The following SLC25A13 variants were observed in gnomAD, a reference collection of about 807,000 sequenced individuals.
SLC25A13 encodes the protein solute carrier family 25 member 13.
Under a neutral mutation model 85.5 loss-of-function variants are expected in SLC25A13, and 70 were observed. That is an observed-to-expected ratio of 0.82 (90% CI 0.68 to 1.00). The LOEUF is 1.00. Ranked by LOEUF, SLC25A13 falls within the 50% of genes least tolerant of loss-of-function variation. The probability of loss-of-function intolerance (pLI) is 0.00; values close to 1 mark genes in which losing one functional copy is unlikely to be tolerated. For synonymous variants in SLC25A13, 259 were observed against 288.7 expected (o/e 0.90, Z 1.04); for missense variants, 765 against 819.8 (o/e 0.93, Z 0.82).
rs80338716 is a variant in SLC25A13, at chr7:96,193,102, G to A, written c.550C>T (p.Arg184Ter). 4.5e-5 allele frequency: 73 copies of A among 1,613,948 alleles called. No individual in the cohort carries two copies. The highest frequency in any genetic ancestry group is 6.6e-5 in the South Asian group (6 of 91,082). The change falls in exon 6 of 18, where the codon CGA (arginine) becomes TGA (stop). Residue 184 changes from arginine (R) to a stop codon, truncating the protein, a stop_gained. Transcript: ENST00000265631. LOFTEE classifies it high-confidence loss of function. The stretch of plus-strand genomic sequence containing the variant: ...GGGCGGATGGTGACCATGATGTCTC[G>A]GAAGTCGATGGCTGTGACTCTCCCA... ...RTGRVTAIDF[R>*]DIMVTIRPHV...
intron 3 of SLC25A13, among the ~76,000 whole-genome samples, chr7:96,243,194 G>T (rs1264468513): frequency 1.3e-5 from 2 of 152,152 alleles, no homozygotes; most frequent in East Asian, 3.9e-4. Flanking sequence ...TCAAACTCCT[G>T]ACCTCAGGTG....
intron 4 of SLC25A13, among the ~76,000 whole-genome samples, chr7:96,225,012 A>G (rs538035239): frequency 2.0e-5 from 3 of 152,364 alleles, no homozygotes; most frequent in South Asian, 4.1e-4. Flanking sequence ...TTATAATAGT[A>G]TAGACCTTCT....
At chr7:96,128,721 G>A (rs531052168) in intron 15 of SLC25A13, among the ~76,000 whole-genome samples, 15 of 149,566 alleles carry the variant, frequency 1.0e-4, no homozygotes, top group African/African-American at 2.7e-4. Flanking sequence ...ACAAACCTGC[G>A]CATTCTGCAC....
chr7:96,124,869 T>C (rs867342717), intron 15 of SLC25A13, among the ~76,000 whole-genome samples: 2 of 152,232 alleles, frequency 1.3e-5, no homozygotes, highest in South Asian at 2.1e-4. Flanking sequence ...ATTTGTTATA[T>C]AGGTGTACAT....
chr7:96,219,537 C>T, intron 4 of SLC25A13: 1 of 357,766 alleles, frequency 2.8e-6, no homozygotes, highest in Non-Finnish European at 5.7e-6. Context: ...CCCTCTGGGC[C>T]TGTTTCCTCA....
At chr7:96,296,553 T>G (rs757923085) in intron 2 of SLC25A13, among the ~76,000 whole-genome samples, 2 of 151,754 alleles carry the variant, frequency 1.3e-5, no homozygotes, top group Non-Finnish European at 2.9e-5. Context: ...CGATCTCAGC[T>G]CACTGCAACC....
At chr7:96,158,001 A>T (rs567760265) in intron 13 of SLC25A13, among the ~76,000 whole-genome samples, 2 of 152,278 alleles carry the variant, frequency 1.3e-5, no homozygotes, top group East Asian at 3.9e-4. Flanking sequence ...GTGCCTTAAA[A>T]CTGACTCACC....
At chr7:96,268,643 C>T (rs1798122653) in intron 3 of SLC25A13, among the ~76,000 whole-genome samples, 1 of 152,324 alleles carries the variant, frequency 6.6e-6, no homozygotes, top group Admixed American at 6.5e-5. Context: ...AGAGTATTAA[C>T]AGCAAGTATG....
At chr7:96,212,788 GAA>G (rs1795752070) in intron 4 of SLC25A13, among the ~76,000 whole-genome samples, 1 of 152,136 alleles carries the variant, frequency 6.6e-6, no homozygotes, top group South Asian at 2.1e-4. Flanking sequence ...TTATGGTGAA[GAA>G]AAGTTTGCTA....
intron 11 of SLC25A13, among the ~76,000 whole-genome samples, chr7:96,173,347 A>G (rs1166147594): frequency 1.3e-5 from 2 of 152,236 alleles, no homozygotes; most frequent in Non-Finnish European, 2.9e-5. Context: ...AAACCAAGGC[A>G]TAGAGAGATA....
At chr7:96,296,043 C>A (rs1799334307) in intron 2 of SLC25A13, among the ~76,000 whole-genome samples, 1 of 151,564 alleles carries the variant, frequency 6.6e-6, no homozygotes, top group Non-Finnish European at 1.5e-5. Context: ...CCCACTATCA[C>A]AAAATAGGTG....
intron 3 of SLC25A13, among the ~76,000 whole-genome samples, chr7:96,274,699 AG>A (rs1798377359): frequency 6.6e-6 from 1 of 152,212 alleles, no homozygotes; most frequent in African/African-American, 2.4e-5. Flanking sequence ...GGTGTAAGGA[AG>A]GGATCCAGTT....
intron 2 of SLC25A13, among the ~76,000 whole-genome samples, chr7:96,289,508 GA>G (rs1454449313): frequency 6.6e-6 from 1 of 152,184 alleles, no homozygotes; most frequent in Non-Finnish European, 1.5e-5. Context: ...TAAAAACCTT[GA>G]AAAAAAGATT....
intron 1 of SLC25A13, among the ~76,000 whole-genome samples, chr7:96,301,967 A>G (rs1799563698): frequency 6.6e-6 from 1 of 152,154 alleles, no homozygotes; most frequent in African/African-American, 2.4e-5. Context: ...CTCTATGCAT[A>G]GTTTCTTCCA....
At position 96,208,819 on chromosome 7, in the gene SLC25A13, T is replaced by A. The variant is rs1795567535; in HGVS notation, c.468+19A>T. The A allele has an allele frequency of 1.2e-6, 2 of 1,613,660 alleles. No homozygotes were observed. The highest frequency in any genetic ancestry group is 1.7e-6 in the Non-Finnish European group (2 of 1,179,734). On this transcript the variant is annotated intron_variant, in intron 5 of 17. Coordinates refer to ENST00000265631, the MANE Select transcript of SLC25A13 (RefSeq NM_014251.3). ...CGTGCCCGGCCATACCCTTTTAACT[T>A]TTTAAGAGCTAGACCCACCAATAAA...
intron 3 of SLC25A13, among the ~76,000 whole-genome samples, chr7:96,262,206 T>C (rs1797879613): frequency 6.6e-6 from 1 of 152,228 alleles, no homozygotes; most frequent in Non-Finnish European, 1.5e-5. Context: ...GAGCTTACAT[T>C]TGATTTCCTT....
chr7:96,236,335 G>A (rs539800877), intron 3 of SLC25A13, among the ~76,000 whole-genome samples: 2 of 152,022 alleles, frequency 1.3e-5, no homozygotes, highest in Admixed American at 1.3e-4. Context: ...AGGCAAGAAG[G>A]GGGGCAAATA....
At chr7:96,303,064 G>T (rs1322024915) in intron 1 of SLC25A13, among the ~76,000 whole-genome samples, 1 of 152,144 alleles carries the variant, frequency 6.6e-6, no homozygotes, top group African/African-American at 2.4e-5. Flanking sequence ...AAAATTTCTA[G>T]AATGGATATC....
intron 1 of SLC25A13, among the ~76,000 whole-genome samples, chr7:96,318,029 C>T (rs1193422826): frequency 6.6e-6 from 1 of 152,086 alleles, no homozygotes; most frequent in Non-Finnish European, 1.5e-5. Flanking sequence ...ACACAATACA[C>T]ATAAATGAAT....
Sources: gnomAD v4.1 joint callset for allele counts (sites outside exome capture counted in the v4.1 genomes callset) on GRCh38, gnomAD v4.1.1 for gene constraint, MANE v1.5 for transcripts, NCBI Gene and HGNC (gene_info 2026-07-23, HGNC 2026-07-21) for gene names.